LRWD1: variants seen among roughly 807,000 people sequenced by gnomAD.
LRWD1 encodes leucine-rich repeat and WD repeat-containing protein 1.
Under a neutral mutation model 75.6 loss-of-function variants are expected in LRWD1, and 76 were observed. The observed-to-expected ratio is 1.01, with a 90% confidence interval of 0.84 to 1.22. The LOEUF (loss-of-function observed/expected upper bound fraction) is 1.22, where lower values mean the gene tolerates loss of function less well. Among genes scored for constraint, LRWD1 ranks in the 50% most tolerant of loss-of-function variants. LRWD1 has a pLI of 0.00. For missense variants in LRWD1, 917 were observed against 862.0 expected, an observed-to-expected ratio of 1.06 and a Z score of -0.80; for synonymous variants, 487 against 377.0, an observed-to-expected ratio of 1.29 and a Z score of -3.38.
intron 11 of LRWD1, chr7:102,470,092 C>A (rs537563253): frequency 1.6e-5 from 10 of 620,518 alleles, no homozygotes; most frequent in Non-Finnish European, 1.0e-5. Context: ...AGCTGTGGGA[C>A]TGGGCCATGA....
Position 102,469,865 on chromosome 7 carries a change from C to A in LRWD1, c.1425C>A (p.Asp475Glu). Residue 475 changes from aspartate (D) to glutamate (E), a missense_variant, in exon 11 of 15, where the codon GAC (aspartate) becomes GAA (glutamate). Transcript: ENST00000292616. ...GCTGCTGCTGGGACGTGCGGCTGGA[C>A]CAGCCCCAAAAGAGGAGGTGAGGCT... ...GGCCCWDVRL[D>E]QPQKRRVCEV... The A allele has an allele frequency of 6.3e-7, 1 of 1,580,342 alleles. No individual in the cohort carries two copies. The highest frequency in any genetic ancestry group is 8.6e-7 in the Non-Finnish European group (1 of 1,165,054).
At position 102,465,814 on chromosome 7, in the gene LRWD1, C is replaced by T; in HGVS notation, c.81-3C>T. The T allele has an allele frequency of 6.2e-7, 1 of 1,612,432 alleles. No individual in the cohort carries two copies. The highest frequency in any genetic ancestry group is 1.1e-5 in the South Asian group (1 of 91,058). ...CCCCTAAGCCTTCTGCCCCCAACTC[C>T]AGCCTGTCAGGATTGGAGCTGCTTT... On this transcript the variant is annotated splice_region_variant and splice_polypyrimidine_tract_variant and intron_variant, in intron 1 of 14. Transcript: ENST00000292616.
At position 102,468,915 on chromosome 7, in the gene LRWD1, C is replaced by T. The variant is rs201003437; in HGVS notation, c.1081C>T (p.Arg361Cys). ...MVVTQAGHKK[R>C]WSVLAAAGLR... is the part of the protein sequence containing the mutation. ...GGTCACACAGGCTGGCCACAAGAAGCGCTGGAGTGTGCTGGCGGCTGCAGG... is the reference window on the plus strand; with the variant it reads ...GGTCACACAGGCTGGCCACAAGAAGTGCTGGAGTGTGCTGGCGGCTGCAGG... Residue 361 changes from arginine (R) to cysteine (C), a missense_variant, in exon 9 of 15, where the codon CGC becomes TGC. Coordinates refer to ENST00000292616, the MANE Select transcript of LRWD1 (RefSeq NM_152892.3). The T allele has an allele frequency of 3.1e-6, 5 of 1,612,964 alleles. No individual in the cohort carries two copies. The highest frequency in any genetic ancestry group is 1.1e-5 in the South Asian group (1 of 91,082).
Position 102,472,581 on chromosome 7 carries a change from G to A in LRWD1, c.1662G>A (p.Leu554=), listed in dbSNP as rs745926110. 6.2e-7 allele frequency: 1 copy of A among 1,608,574 alleles called. No homozygotes were observed. The highest frequency in any genetic ancestry group is 8.5e-7 in the Non-Finnish European group (1 of 1,177,714). Residue 554 remains leucine, a synonymous_variant, in exon 13 of 15, where the codon TTG becomes TTA. Transcript: ENST00000292616. ...LARLQWSSTE[L]AYFSLSACPD... ...GGCTGCAATGGTCGTCCACCGAGTTGGCCTACTTCTCGCTCAGCGCCTGCC... is the reference window on the plus strand; with the variant it reads ...GGCTGCAATGGTCGTCCACCGAGTTAGCCTACTTCTCGCTCAGCGCCTGCC...
chr7:102,468,652 G>T lies in LRWD1; in HGVS notation c.1018G>T (p.Glu340Ter). Reference sequence around the variant, plus strand: ...GCTCCACAAGTACAAGGCACCCGGCGAGGTGAGTGCAAGGCCCTGTCCCTG... The same window carrying T: ...GCTCCACAAGTACAAGGCACCCGGCTAGGTGAGTGCAAGGCCCTGTCCCTG... ...IVLHKYKAPG[E>*]EFFSVAWTAL... is the part of the protein sequence containing the mutation. The change falls in exon 8 of 15, where the codon GAG (glutamate) becomes TAG (stop). Residue 340 changes from glutamate (E) to a stop codon, truncating the protein, a stop_gained and splice_region_variant. Transcript: ENST00000292616. LOFTEE classifies it high-confidence loss of function. 6.4e-7 allele frequency: 1 copy of T among 1,562,738 alleles called. No individual in the cohort carries two copies. Among genetic ancestry groups the T allele is most frequent in the Non-Finnish European group, 8.7e-7 (1 of 1,153,518 alleles).
At chr7:102,469,961 C>G in intron 11 of LRWD1, 79 bp downstream of exon 11, 1 of 1,419,314 alleles carries the variant, frequency 7.0e-7, no homozygotes, top group East Asian at 2.5e-5. Context: ...TCACAGCAGC[C>G]TGGGCACACC....
chr7:102,465,640 C>A (rs1203109437), intron 1 of LRWD1, 177 bp from the exon 2 acceptor site: 1 of 598,576 alleles, frequency 1.7e-6, no homozygotes, highest in Non-Finnish European at 3.0e-6. Context: ...GAGCTATGAT[C>A]GCGCCTAGGC....
At position 102,465,162 on chromosome 7, in the gene LRWD1, TA is replaced by T; in HGVS notation, c.80+4del. 6.7e-7 allele frequency: 1 copy of T among 1,500,246 alleles called. No individual in the cohort carries two copies. The highest frequency in any genetic ancestry group is 8.9e-7 in the Non-Finnish European group (1 of 1,127,950). 92.9% of individuals were successfully genotyped at this position (1,500,246 alleles called of 1,614,324 possible). On this transcript the variant is annotated splice_donor_region_variant and intron_variant, in intron 1 of 14. Coordinates refer to ENST00000292616, the MANE Select transcript of LRWD1 (RefSeq NM_152892.3). ...GCTGGGGAAGATCCGGAGTCTGGAG[TA>T]AGAGCCGGGCAGCGGGTGAGGCTGT... is the stretch of plus-strand genomic sequence containing the variant.
At position 102,467,787 on chromosome 7, in the gene LRWD1, G is replaced by A. The variant is rs777473027; in HGVS notation, c.642G>A (p.Glu214=). Residue 214 remains glutamate (E), a synonymous_variant, in exon 5 of 15, where the codon GAG becomes GAA. Transcript: ENST00000292616. ...RTQVQKANSP[E]KPPEAGAAHK... is the part of the protein sequence containing the mutation. ...AGGTGCAAAAGGCTAACAGCCCAGAGAAGCCCCCAGAAGCTGGAGCTGCCC... is the reference window on the plus strand; with the variant it reads ...AGGTGCAAAAGGCTAACAGCCCAGAAAAGCCCCCAGAAGCTGGAGCTGCCC... 7 of 1,551,050 alleles carry A rather than the reference G, an allele frequency of 4.5e-6. No homozygotes were observed. In the South Asian group the frequency reaches 7.1e-5, roughly 16 times the overall value.
chr7:102,469,999 G>A, intron 11 of LRWD1, 117 bp downstream of exon 11: 1 of 1,279,316 alleles, frequency 7.8e-7, no homozygotes, highest in Admixed American at 3.1e-5. Flanking sequence ...TGTTTTTAGA[G>A]GCCTCTTCGC....
chr7:102,473,115 G>A lies in LRWD1; in HGVS notation c.*66G>A. The A allele has an allele frequency of 1.4e-6, 2 of 1,402,966 alleles. No individual in the cohort carries two copies. The highest frequency in any genetic ancestry group is 2.4e-5 in the Admixed American group (1 of 41,144). The allele number at this position is 1,402,966 out of a possible 1,614,324, so 86.9% of individuals were successfully genotyped here. A position where few individuals can be genotyped will look rare whatever the true frequency, so the allele number is the denominator to read the frequency against. Reference sequence around the variant, plus strand: ...CTTATTCAGCTTTGGGCCGATGGGGGTGGGGGGGGGTCTTTCAGTGAATAT... The same window carrying A: ...CTTATTCAGCTTTGGGCCGATGGGGATGGGGGGGGGTCTTTCAGTGAATAT... On this transcript the variant is annotated 3_prime_UTR_variant, in exon 15 of 15. Coordinates refer to ENST00000292616, the MANE Select transcript of LRWD1 (RefSeq NM_152892.3).
In LRWD1 at chr7:102,472,551, G is replaced by A. The variant is rs746781727; in HGVS notation, c.1632G>A (p.Leu544=). Residue 544 remains leucine, a synonymous_variant, in exon 13 of 15, where the codon CTG becomes CTA. Transcript: ENST00000292616. ...GSQSTVAVVV[L]ARLQWSSTEL... is the part of the protein sequence containing the mutation. ...AGTCCACGGTGGCAGTGGTGGTCCT[G>A]GCGCGGCTGCAATGGTCGTCCACCG... The A allele has an allele frequency of 6.3e-7, 1 of 1,594,664 alleles. No homozygotes were observed. The highest frequency in any genetic ancestry group is 1.1e-5 in the South Asian group (1 of 89,066).
At chr7:102,469,376 G>A (rs960355259) in intron 9 of LRWD1, among the ~76,000 whole-genome samples, 198 bp from the exon 10 acceptor site, 5 of 152,144 alleles carry the variant, frequency 3.3e-5, no homozygotes, top group African/African-American at 7.2e-5. Flanking sequence ...GGAAGTGGCC[G>A]CTGGAGCCAC....
intron 3 of LRWD1, among the ~76,000 whole-genome samples, 153 bp downstream of exon 3, chr7:102,466,423 TTTA>T (rs1554579431): frequency 6.6e-6 from 1 of 152,116 alleles, no homozygotes; most frequent in African/African-American, 2.4e-5. Flanking sequence ...TATTTATTTA[TTTA>T]TTTTTTGAGA....
At chr7:102,466,786 T>C (rs1207458279) in intron 3 of LRWD1, among the ~76,000 whole-genome samples, 2 of 93,106 alleles carry the variant, frequency 2.1e-5, no homozygotes, top group Non-Finnish European at 4.4e-5. Context: ...TTTTTTTTTT[T>C]TTTTTTTTTT....
intron 5 of LRWD1, 106 bp from the exon 6 acceptor site, chr7:102,467,956 G>A: frequency 6.6e-7 from 1 of 1,515,362 alleles, no homozygotes; most frequent in East Asian, 2.4e-5. Context: ...GTGACCCCGG[G>A]CCAGCCTGGG....
chr7:102,467,070 G>GGTGT lies in LRWD1; in HGVS notation c.433-246_433-243dup, dbSNP rs59522694. ...GACTATAGGCACCTGGGTTGTTGCT[G>GGTGT]GTGTGTGTGTGTGTGTGTGTGTGTG... On this transcript the variant is annotated intron_variant, in intron 3 of 14. Coordinates refer to ENST00000292616, the MANE Select transcript of LRWD1 (RefSeq NM_152892.3). Among the ~76,000 whole-genome samples the GGTGT allele has an allele frequency of 1.3e-3, 169 of 133,580 alleles. 1 individual carries two copies. Among genetic ancestry groups the GGTGT allele is most frequent in the African/African-American group, 3.6e-3 (124 of 34,848 alleles). The allele number at this position is 133,580 out of a possible 152,430, so 87.6% of individuals were successfully genotyped here. A position where few individuals can be genotyped will look rare whatever the true frequency, so the allele number is the denominator to read the frequency against.
At chr7:102,467,047 C>T (rs902481107) in intron 3 of LRWD1, among the ~76,000 whole-genome samples, 3 of 146,418 alleles carry the variant, frequency 2.0e-5, no homozygotes, top group Non-Finnish European at 4.5e-5. Context: ...GTGGCTGGGA[C>T]TATAGGCACC....
intron 9 of LRWD1, 93 bp from the exon 10 acceptor site, chr7:102,469,481 C>G: frequency 6.8e-7 from 1 of 1,460,236 alleles, no homozygotes; most frequent in Non-Finnish European, 9.5e-7. Flanking sequence ...GAGGGGCTGG[C>G]CTTGGGACCG....
Sources: gnomAD v4.1 joint callset for allele counts (sites outside exome capture counted in the v4.1 genomes callset) on GRCh38, gnomAD v4.1.1 for gene constraint, MANE v1.5 for transcripts, NCBI Gene and HGNC (gene_info 2026-07-23, HGNC 2026-07-21) for gene names.